PRKAR1B: variants seen among roughly 807,000 people sequenced by gnomAD.
PRKAR1B encodes the protein cAMP-dependent protein kinase type I-beta regulatory subunit.
PRKAR1B carries 22 observed loss-of-function variants against 46.5 expected under a neutral mutation model. The observed-to-expected ratio is 0.47, with a 90% CI of 0.34 to 0.68. The LOEUF is 0.68. Ranked by LOEUF, PRKAR1B falls within the 30% of genes least tolerant of loss-of-function variation. The probability of loss-of-function intolerance (pLI) is 0.01; values close to 1 mark genes in which losing one functional copy is unlikely to be tolerated. For missense variants in PRKAR1B, 445 were observed against 535.6 expected (o/e 0.83, Z 1.67); for synonymous variants, 259 against 217.7 (o/e 1.19, Z -1.67).
chr7:632,165 T>G (rs1011065210), intron 4 of PRKAR1B, among the ~76,000 whole-genome samples: 4 of 152,268 alleles, frequency 2.6e-5, no homozygotes, highest in East Asian at 3.9e-4. Flanking sequence ...GTCTGTTATC[T>G]CTCTCTGCCT....
chr7:594,920 C>A (rs1388919147), intron 7 of PRKAR1B, among the ~76,000 whole-genome samples: 1 of 152,194 alleles, frequency 6.6e-6, no homozygotes, highest in Non-Finnish European at 1.5e-5. Context: ...CAAGGGACCC[C>A]AGACACTGTG....
chr7:553,484 C>T (rs1331027464), intron 9 of PRKAR1B, among the ~76,000 whole-genome samples: 6 of 152,168 alleles, frequency 3.9e-5, no homozygotes, highest in Non-Finnish European at 8.8e-5. Flanking sequence ...GAAGCTGAGG[C>T]CCAGGAAGGT....
chr7:630,263 C>G (rs1045511652), intron 4 of PRKAR1B, among the ~76,000 whole-genome samples: 3 of 152,340 alleles, frequency 2.0e-5, no homozygotes, highest in South Asian at 4.1e-4. Flanking sequence ...AGCAGGTGAG[C>G]AGCTGAGATG....
At chr7:660,984 C>A (rs1253314334) in intron 4 of PRKAR1B, among the ~76,000 whole-genome samples, 1 of 106,782 alleles carries the variant, frequency 9.4e-6, no homozygotes, top group Non-Finnish European at 2.0e-5. Context: ...GGTCCCCACC[C>A]CAACAGATCC....
rs149154338 is a variant in PRKAR1B, at chr7:675,104, G to A, written c.440+2125C>T. 1.4e-3 allele frequency among the ~76,000 whole-genome samples: 211 copies of A among 152,310 alleles called. 1 individual carries two copies. Among genetic ancestry groups the A allele is most frequent in the African/African-American group, 4.7e-3 (194 of 41,570 alleles). Reference sequence around the variant, plus strand: ...GCCTAACCACAGCATCACTACTCACGGAAACATCGGAGCACGGAGAAATCA... The same window carrying A: ...GCCTAACCACAGCATCACTACTCACAGAAACATCGGAGCACGGAGAAATCA... On this transcript the variant is annotated intron_variant, in intron 4 of 10. Coordinates refer to ENST00000537384, the MANE Select transcript of PRKAR1B (RefSeq NM_001164760.2).
chr7:606,293 T>C, intron 5 of PRKAR1B, 54 bp from the exon 6 acceptor site: 1 of 1,573,146 alleles, frequency 6.4e-7, no homozygotes, highest in African/African-American at 1.3e-5. Context: ...ACATACAAGT[T>C]ACAGTTTCTC....
At chr7:596,601 G>T (rs1781278411) in intron 6 of PRKAR1B, among the ~76,000 whole-genome samples, 1 of 152,214 alleles carries the variant, frequency 6.6e-6, no homozygotes, top group South Asian at 2.1e-4. Flanking sequence ...GACGCACCCG[G>T]CCCCCGCTCT....
At chr7:585,770 A>G (rs1378090215) in intron 7 of PRKAR1B, among the ~76,000 whole-genome samples, 1 of 152,058 alleles carries the variant, frequency 6.6e-6, no homozygotes. Flanking sequence ...GGGCTGAGTG[A>G]CCACCCTAGA....
chr7:583,504 TA>T (rs1780371667), intron 8 of PRKAR1B, among the ~76,000 whole-genome samples: 1 of 123,468 alleles, frequency 8.1e-6, no homozygotes, highest in African/African-American at 3.2e-5. Flanking sequence ...TGCACACCCA[TA>T]CACACCCACA....
chr7:568,270 G>A (rs961356326), intron 9 of PRKAR1B, among the ~76,000 whole-genome samples: 1 of 152,120 alleles, frequency 6.6e-6, no homozygotes, highest in Non-Finnish European at 1.5e-5. Flanking sequence ...CACAAGGTAG[G>A]TGACCTTGTG....
intron 4 of PRKAR1B, among the ~76,000 whole-genome samples, chr7:636,435 G>GACTGTGCCCTCACGTCCTCCA (rs1275237920): frequency 2.5e-5 from 2 of 79,108 alleles, no homozygotes; most frequent in Non-Finnish European, 6.2e-5. Flanking sequence ...TCCTCCACCG[G>GACTGTGCCCTCACGTCCTCCA]CCGCGCCCTC....
At chr7:694,187 AGGCAG>A (rs993572981) in intron 2 of PRKAR1B, among the ~76,000 whole-genome samples, 3 of 152,178 alleles carry the variant, frequency 2.0e-5, no homozygotes, top group African/African-American at 7.2e-5. Flanking sequence ...CGGGGGGCTG[AGGCAG>A]GAGAATCACA....
At chr7:675,211 C>T (rs982017561) in intron 4 of PRKAR1B, among the ~76,000 whole-genome samples, 7 of 152,198 alleles carry the variant, frequency 4.6e-5, no homozygotes, top group African/African-American at 1.7e-4. Flanking sequence ...TGCAGATACG[C>T]ACAACAATTA....
rs1404754142 is a variant in PRKAR1B, at chr7:550,232, G to A, written c.*198C>T. On this transcript the variant is annotated 3_prime_UTR_variant, in exon 11 of 11. Coordinates refer to ENST00000537384, the MANE Select transcript of PRKAR1B (RefSeq NM_001164760.2). Reference sequence around the variant, plus strand: ...CTTGATCTTGGGATGCATTTTGTCCGCTTGTCCTTTGATTTGGAAATGCAC... The same window carrying A: ...CTTGATCTTGGGATGCATTTTGTCCACTTGTCCTTTGATTTGGAAATGCAC... The A allele has an allele frequency of 1.5e-5, 9 of 584,512 alleles. No individual in the cohort carries two copies. The highest frequency in any genetic ancestry group is 6.0e-5 in the South Asian group (3 of 49,694). 36.2% of individuals were successfully genotyped at this position (584,512 alleles called of 1,614,324 possible).
In PRKAR1B at chr7:602,458, C is replaced by T. The variant is rs1781684889; in HGVS notation, c.549+3735G>A. On this transcript the variant is annotated intron_variant, in intron 6 of 10. Transcript: ENST00000537384. The surrounding 1 kb of genome is among the most constrained non-coding windows in gnomAD (Gnocchi z 6.4). ...CCGGCCCCTTTGCCGAGGTCCTGGCCCAGGTGGGGCTCCCGGGAGCCTGGA... is the reference window on the plus strand; with the variant it reads ...CCGGCCCCTTTGCCGAGGTCCTGGCTCAGGTGGGGCTCCCGGGAGCCTGGA... 5.9e-6 allele frequency: 1 copy of T among 168,814 alleles called. No homozygotes were observed. Among genetic ancestry groups the T allele is most frequent in the South Asian group, 2.0e-4 (1 of 4,918 alleles). 10.5% of individuals were successfully genotyped at this position (168,814 alleles called of 1,614,324 possible).
chr7:576,945 G>A (rs1240910797), intron 9 of PRKAR1B, among the ~76,000 whole-genome samples: 1 of 151,324 alleles, frequency 6.6e-6, no homozygotes, highest in African/African-American at 2.4e-5. Context: ...TCCAGCGGTG[G>A]TGAGCATCTT....
chr7:680,772 T>A (rs771093755), intron 2 of PRKAR1B, 46 bp from the exon 3 acceptor site: 2 of 1,607,776 alleles, frequency 1.2e-6, no homozygotes, highest in Non-Finnish European at 1.7e-6. Flanking sequence ...AACCTGGCTG[T>A]CCCGGCCAGG....
chr7:699,303 T>C (rs1779936313), intron 2 of PRKAR1B, among the ~76,000 whole-genome samples: 1 of 152,120 alleles, frequency 6.6e-6, no homozygotes, highest in Non-Finnish European at 1.5e-5. Flanking sequence ...GAGAATTCGA[T>C]GAGATAAAGT....
intron 6 of PRKAR1B, among the ~76,000 whole-genome samples, chr7:598,723 G>A (rs542932888): frequency 6.6e-6 from 1 of 152,360 alleles, no homozygotes; most frequent in Admixed American, 6.5e-5. Flanking sequence ...AAAGCAGTGT[G>A]GACTCAGAAG....
Sources: gnomAD v4.1 joint callset for allele counts (sites outside exome capture counted in the v4.1 genomes callset) on GRCh38, gnomAD v4.1.1 for gene constraint, Gnocchi (gnomAD v3.1) non-coding constraint, MANE v1.5 for transcripts, NCBI Gene and HGNC (gene_info 2026-07-23, HGNC 2026-07-21) for gene names.